The following SGCZ variants were observed in gnomAD, a reference collection of about 807,000 sequenced individuals.
The protein encoded by SGCZ is zeta-sarcoglycan.
A neutral mutation model predicts 41.3 loss-of-function variants in SGCZ; 40 were observed. The ratio of observed to expected loss-of-function variants is 0.97; its 90% CI spans 0.75 to 1.26. The LOEUF (loss-of-function observed/expected upper bound fraction) is 1.26, where lower values mean the gene tolerates loss of function less well. Ranked by LOEUF, SGCZ falls within the 50% of genes most tolerant of loss-of-function variation. The probability of loss-of-function intolerance (pLI) is 0.00; values close to 1 mark genes in which losing one functional copy is unlikely to be tolerated. For synonymous variants in SGCZ, 206 were observed against 137.5 expected, an observed-to-expected ratio of 1.50 and a Z score of -3.49; for missense variants, 552 against 369.8, an observed-to-expected ratio of 1.49 and a Z score of -4.04.
In SGCZ at chr8:14,318,842, T is replaced by C. The variant is rs576430118; in HGVS notation, c.336+5261A>G. Among the ~76,000 whole-genome samples, 65 of 152,022 alleles carry C rather than the reference T, an allele frequency of 4.3e-4. 1 individual carries two copies. The South Asian group carries it at 0.013, about 30-fold the overall frequency. On this transcript the variant is annotated intron_variant, in intron 3 of 7. Transcript: ENST00000382080. ...TTCAATCATTAAAACTTCAGCATTA[T>C]ATAATTTTAATAAAACCAAACTCAT...
At chr8:15,166,908 A>C (rs888784150) in intron 1 of SGCZ, among the ~76,000 whole-genome samples, 4 of 152,222 alleles carry the variant, frequency 2.6e-5, no homozygotes, top group African/African-American at 7.2e-5. Flanking sequence ...CAAAGAGCTG[A>C]AATGTTCATG....
chr8:15,107,223 T>C (rs1806864395), intron 1 of SGCZ, among the ~76,000 whole-genome samples: 1 of 152,208 alleles, frequency 6.6e-6, no homozygotes, highest in Non-Finnish European at 1.5e-5. Flanking sequence ...ATTTTAGAAC[T>C]CTTTTGTTCT....
At chr8:14,639,571 C>G (rs1806951693) in intron 1 of SGCZ, among the ~76,000 whole-genome samples, 1 of 151,632 alleles carries the variant, frequency 6.6e-6, no homozygotes, top group African/African-American at 2.4e-5. Flanking sequence ...TTAATATAGT[C>G]TTGGGTAATC....
chr8:15,016,362 T>C (rs1803031982), intron 1 of SGCZ, among the ~76,000 whole-genome samples: 1 of 152,182 alleles, frequency 6.6e-6, no homozygotes, highest in African/African-American at 2.4e-5. Context: ...CACATGGCCA[T>C]CTGATCCACC....
At chr8:15,192,347 T>C (rs996720904) in intron 1 of SGCZ, among the ~76,000 whole-genome samples, 9 of 152,218 alleles carry the variant, frequency 5.9e-5, no homozygotes, top group African/African-American at 1.9e-4. Context: ...ATACAAATTT[T>C]TCTTAAAATA....
chr8:14,573,562 G>T (rs1489146365), intron 1 of SGCZ, among the ~76,000 whole-genome samples: 1 of 152,076 alleles, frequency 6.6e-6, no homozygotes, highest in Non-Finnish European at 1.5e-5. Context: ...AGCTATTAGA[G>T]AATTTTTCAT....
chr8:14,378,274 T>C (rs1339188386), intron 2 of SGCZ, among the ~76,000 whole-genome samples: 1 of 151,976 alleles, frequency 6.6e-6, no homozygotes, highest in Non-Finnish European at 1.5e-5. Flanking sequence ...ATTTCTCTGA[T>C]GGCCAGTGAT....
chr8:14,251,792 G>C (rs866982305), intron 3 of SGCZ, among the ~76,000 whole-genome samples: 32 of 152,070 alleles, frequency 2.1e-4, no homozygotes, highest in African/African-American at 7.5e-4. Flanking sequence ...AATGTGGCCT[G>C]GGATACTTTG....
At chr8:14,332,979 C>T (rs542069369) in intron 2 of SGCZ, among the ~76,000 whole-genome samples, 35 of 150,632 alleles carry the variant, frequency 2.3e-4, no homozygotes, top group African/African-American at 3.4e-4. Context: ...AAATGGAGAA[C>T]GGACCATAGC....
chr8:14,294,245 T>C (rs1800939924), intron 3 of SGCZ, among the ~76,000 whole-genome samples: 1 of 151,956 alleles, frequency 6.6e-6, no homozygotes, highest in Non-Finnish European at 1.5e-5. Flanking sequence ...TTTATGTATA[T>C]ATTTATTTGT....
At chr8:14,456,956 C>T (rs778141553) in intron 2 of SGCZ, among the ~76,000 whole-genome samples, 2 of 152,142 alleles carry the variant, frequency 1.3e-5, no homozygotes, top group Admixed American at 6.6e-5. Flanking sequence ...TGCCTTCTGC[C>T]ATGATTGTAA....
chr8:14,433,989 AT>A (rs1353331665), intron 2 of SGCZ, among the ~76,000 whole-genome samples: 14 of 152,272 alleles, frequency 9.2e-5, no homozygotes, highest in Admixed American at 9.2e-4. Flanking sequence ...CCAGCTATTT[AT>A]TTTTATTTTT....
chr8:15,236,328 G>T (rs914762723), intron 1 of SGCZ, among the ~76,000 whole-genome samples: 1 of 152,212 alleles, frequency 6.6e-6, no homozygotes, highest in African/African-American at 2.4e-5. Flanking sequence ...ACAGGCTGCA[G>T]ACAGAGGCTT....
intron 2 of SGCZ, among the ~76,000 whole-genome samples, chr8:14,443,393 C>G (rs1178163511): frequency 3.3e-5 from 5 of 152,240 alleles, no homozygotes; most frequent in South Asian, 4.1e-4. Context: ...AGGCATCACA[C>G]TACCTGACTT....
intron 1 of SGCZ, among the ~76,000 whole-genome samples, chr8:14,593,060 G>A (rs1029555618): frequency 6.6e-6 from 1 of 152,006 alleles, no homozygotes; most frequent in Non-Finnish European, 1.5e-5. Context: ...ACCTGCCCTG[G>A]TGTGGTCAGG....
chr8:15,058,192 C>A (rs1007951046), intron 1 of SGCZ, among the ~76,000 whole-genome samples: 46 of 152,100 alleles, frequency 3.0e-4, no homozygotes, highest in Non-Finnish European at 2.9e-5. Context: ...CAGTATGTCT[C>A]AATAAGTCTT....
At chr8:14,375,608 A>C (rs924790664) in intron 2 of SGCZ, among the ~76,000 whole-genome samples, 8 of 152,310 alleles carry the variant, frequency 5.3e-5, no homozygotes, top group African/African-American at 1.9e-4. Flanking sequence ...TTTTAAAAAA[A>C]TCCTATTAAA....
chr8:14,539,959 A>G lies in SGCZ; in HGVS notation c.234+14773T>C, dbSNP rs956078239. 2.0e-5 allele frequency among the ~76,000 whole-genome samples: 3 copies of G among 152,146 alleles called. No individual in the cohort carries two copies. The South Asian group carries it at 6.2e-4, about 32-fold the overall frequency. On this transcript the variant is annotated intron_variant, in intron 2 of 7. Transcript: ENST00000382080. ...GAGATCACCTAGGAAGAACATGTACAGTGAAAAGAGAAACAGGTGAACACA... is the reference window on the plus strand; with the variant it reads ...GAGATCACCTAGGAAGAACATGTACGGTGAAAAGAGAAACAGGTGAACACA...
intron 1 of SGCZ, among the ~76,000 whole-genome samples, chr8:15,116,669 A>G (rs1807281461): frequency 6.6e-6 from 1 of 152,238 alleles, no homozygotes; most frequent in African/African-American, 2.4e-5. Flanking sequence ...GAAAAGTGAA[A>G]GATAATGGAA....
Sources: allele counts gnomAD v4.1 joint callset (sites outside exome capture counted in the v4.1 genomes callset), GRCh38; gene constraint gnomAD v4.1.1; transcripts MANE v1.5; gene names NCBI Gene and HGNC (gene_info 2026-07-23, HGNC 2026-07-21).